The following NUCB2 variants were observed in gnomAD, a reference collection of about 807,000 sequenced individuals.
The protein encoded by NUCB2 is nucleobindin-2.
In NUCB2, 48 loss-of-function variants were observed where a neutral mutation model predicts 57.9. The observed-to-expected ratio is 0.83, with a 90% CI of 0.66 to 1.05. NUCB2 has a LOEUF of 1.05. NUCB2 is among the 50% of genes least tolerant of loss of function. The probability of loss-of-function intolerance (pLI) is 0.00; values close to 1 mark genes in which losing one functional copy is unlikely to be tolerated. For synonymous variants in NUCB2, 139 were observed against 152.1 expected (o/e 0.91, Z 0.64); for missense variants, 442 against 476.2 (o/e 0.93, Z 0.67).
chr11:17,279,940 C>T (rs1942213289), intron 1 of NUCB2, among the ~76,000 whole-genome samples: 1 of 151,984 alleles, frequency 6.6e-6, no homozygotes, highest in South Asian at 2.1e-4. Context: ...AAGGAGCATG[C>T]CACCACACCC....
intron 2 of NUCB2, among the ~76,000 whole-genome samples, chr11:17,292,525 T>G (rs1299608009): frequency 3.3e-5 from 5 of 152,184 alleles, no homozygotes; most frequent in Non-Finnish European, 7.4e-5. Flanking sequence ...AGTCTCTGAT[T>G]TAGAAAATAT....
chr11:17,346,425 A>G (rs1179366780), intron 2 of NUCB2, among the ~76,000 whole-genome samples: 2 of 152,162 alleles, frequency 1.3e-5, no homozygotes, highest in Non-Finnish European at 2.9e-5. Context: ...GAGAATCCAT[A>G]ATGGAAAGGA....
At chr11:17,349,648 G>A (rs1355027387) in exon 3 of NUCB2, 1 of 152,204 alleles carries the variant, frequency 6.6e-6, no homozygotes, top group Non-Finnish European at 1.5e-5. Flanking sequence ...AGGAAATGCA[G>A]TCTTTTATTG....
Position 17,295,404 on chromosome 11 carries a change from T to C in NUCB2, c.81T>C (p.Ile27=), listed in dbSNP as rs903336090. 6.2e-7 allele frequency: 1 copy of C among 1,613,536 alleles called. No homozygotes were observed. Residue 27 remains isoleucine (I), a synonymous_variant, in exon 3 of 14, where the codon ATT becomes ATC. Transcript: ENST00000529010. ...CLLTALEAVP[I]DIDKTKVQNI... ...TTACTGCTCTTGAAGCTGTGCCTAT[T>C]GACATAGACAAGACAAAAGTACAAA...
Position 17,311,874 on chromosome 11 carries a change from G to A in NUCB2, c.763G>A (p.Val255Ile), listed in dbSNP as rs1348304128. Residue 255 changes from valine (V) to isoleucine (I), a missense_variant and splice_region_variant, in exon 9 of 14, where the codon GTC becomes ATC. Val to Ile is a conservative substitution (Grantham distance 29, BLOSUM62 3). Coordinates refer to ENST00000529010, the MANE Select transcript of NUCB2 (RefSeq NM_005013.4). Reference protein sequence around the residue: ...DPKTFFKLHDVNSDGFLDEQE... With the variant: ...DPKTFFKLHDINSDGFLDEQE... ...CATTTGTAACTTTTAAACTTTAGAT[G>A]TCAATAGTGATGGATTCCTGGATGA... 2 of 1,581,760 alleles carry A rather than the reference G, an allele frequency of 1.3e-6. No individual in the cohort carries two copies. The highest frequency in any genetic ancestry group is 2.2e-5 in the East Asian group (1 of 44,492).
chr11:17,301,045 G>T (rs1261873971), intron 4 of NUCB2, among the ~76,000 whole-genome samples: 11 of 142,002 alleles, frequency 7.7e-5, no homozygotes, highest in South Asian at 2.2e-4. Flanking sequence ...TGATCTTGGC[G>T]CACTGCAACC....
intron 2 of NUCB2, chr11:17,283,350 A>G (rs1328251467): frequency 6.6e-6 from 1 of 152,214 alleles, no homozygotes; most frequent in Non-Finnish European, 1.5e-5. Flanking sequence ...AGCTGACTGC[A>G]TGTCTGCCCT....
intron 2 of NUCB2, among the ~76,000 whole-genome samples, chr11:17,337,798 T>G (rs1480775054): frequency 6.6e-6 from 1 of 152,038 alleles, no homozygotes; most frequent in East Asian, 1.9e-4. Flanking sequence ...CACATCTGGC[T>G]AATTTTTTAT....
At chr11:17,309,461 T>C in intron 5 of NUCB2, 111 bp from the exon 6 acceptor site, 1 of 626,584 alleles carries the variant, frequency 1.6e-6, no homozygotes, top group Non-Finnish European at 2.6e-6. Context: ...AAACTTTGGA[T>C]TTCCTTATAA....
In NUCB2 at chr11:17,346,577, C is replaced by T. The variant is rs61880292; in HGVS notation, n.2627-2768C>T. Among the ~76,000 whole-genome samples, 788 of 152,318 alleles carry T rather than the reference C, an allele frequency of 5.2e-3. 7 individuals carry two copies. The highest frequency in any genetic ancestry group is 8.3e-3 in the Non-Finnish European group (564 of 68,036). ...AAGAACCATTTAATAAGATAGCACA[C>T]TGACAGAGTCCATGATGTTGGTATA... On this transcript the variant is annotated intron_variant and non_coding_transcript_variant, in intron 2 of 2. Transcript: ENST00000532240.
chr11:17,290,123 A>G (rs757865668), intron 2 of NUCB2, among the ~76,000 whole-genome samples: 1 of 152,170 alleles, frequency 6.6e-6, no homozygotes, highest in Non-Finnish European at 1.5e-5. Context: ...GAGTCAGGTA[A>G]AGCACTAGTT....
chr11:17,332,540 C>T (rs1951500129), downstream of NUCB2: 1 of 146,072 alleles, frequency 6.8e-6, no homozygotes, highest in African/African-American at 2.6e-5. Flanking sequence ...TGAAGAGAAA[C>T]CACCAGAAAT....
chr11:17,336,806 T>G (rs1054831414), downstream of NUCB2, among the ~76,000 whole-genome samples: 2 of 150,624 alleles, frequency 1.3e-5, no homozygotes, highest in South Asian at 2.1e-4. Context: ...CATAGATATA[T>G]GTTTTTTATG....
At chr11:17,298,787 C>T (rs1946251376) in intron 4 of NUCB2, among the ~76,000 whole-genome samples, 1 of 151,958 alleles carries the variant, frequency 6.6e-6, no homozygotes, top group Non-Finnish European at 1.5e-5. Context: ...CTACCTCTGC[C>T]TCCCAGGGTC....
At chr11:17,335,683 G>A (rs770306361), downstream of NUCB2, among the ~76,000 whole-genome samples, 13 of 152,128 alleles carry the variant, frequency 8.5e-5, no homozygotes, top group Non-Finnish European at 1.5e-4. Context: ...TGTATTTTTA[G>A]TAGAGGCGGG....
chr11:17,281,140 A>AT (rs1013416930), intron 1 of NUCB2, among the ~76,000 whole-genome samples: 50 of 151,626 alleles, frequency 3.3e-4, no homozygotes, highest in African/African-American at 1.2e-3. Flanking sequence ...TATTTTATTT[A>AT]TTTTTTTTAG....
At chr11:17,338,633 A>T (rs893949726) in intron 2 of NUCB2, among the ~76,000 whole-genome samples, 2 of 151,986 alleles carry the variant, frequency 1.3e-5, no homozygotes, top group African/African-American at 4.8e-5. Context: ...AATTCTTATA[A>T]TTTTGGCTAC....
chr11:17,279,420 G>C (rs1304317414), intron 1 of NUCB2, among the ~76,000 whole-genome samples: 1 of 152,094 alleles, frequency 6.6e-6, no homozygotes, highest in East Asian at 1.9e-4. Context: ...TAAAAGTAGG[G>C]CTGAATTAGA....
intron 2 of NUCB2, among the ~76,000 whole-genome samples, chr11:17,285,233 C>T (rs1943450853): frequency 6.6e-6 from 1 of 152,012 alleles, no homozygotes; most frequent in East Asian, 1.9e-4. Context: ...CAAGACCATC[C>T]TGGCTAACAT....
Sources: allele counts gnomAD v4.1 joint callset (sites outside exome capture counted in the v4.1 genomes callset), GRCh38; gene constraint gnomAD v4.1.1; transcripts MANE v1.5; gene names NCBI Gene and HGNC (gene_info 2026-07-23, HGNC 2026-07-21).